NPL: variants seen among roughly 807,000 people sequenced by gnomAD.
The protein encoded by NPL is N-acetylneuraminate pyruvate lyase.
In NPL, 32 loss-of-function variants were observed where a neutral mutation model predicts 41.1. That is an observed-to-expected ratio of 0.78 (90% CI 0.59 to 1.05). The LOEUF (loss-of-function observed/expected upper bound fraction) is 1.05. NPL is among the 50% of genes least tolerant of loss of function. The pLI is 0.00. For synonymous variants in NPL, 128 were observed against 134.9 expected, an observed-to-expected ratio of 0.95 and a Z score of 0.35; for missense variants, 321 against 378.4, an observed-to-expected ratio of 0.85 and a Z score of 1.26.
intron 1 of NPL, 87 bp downstream of exon 1, chr1:182,789,892 GC>G (rs939979346): frequency 2.6e-5 from 4 of 152,520 alleles, no homozygotes; most frequent in African/African-American, 9.6e-5. Flanking sequence ...GGGCGCTGGG[GC>G]CTGACTCGCG....
chr1:182,800,329 G>A (rs1229682592), intron 3 of NPL, among the ~76,000 whole-genome samples: 1 of 151,658 alleles, frequency 6.6e-6, no homozygotes, highest in Admixed American at 6.6e-5. Flanking sequence ...CTAGCTACTG[G>A]GGAGGCAGAG....
chr1:182,805,165 C>T (rs1666969399), intron 4 of NPL, among the ~76,000 whole-genome samples: 1 of 152,150 alleles, frequency 6.6e-6, no homozygotes, highest in Non-Finnish European at 1.5e-5. Context: ...TGTGGTGGCT[C>T]ACACCAGTAA....
chr1:182,796,447 A>G (rs1036141660), intron 3 of NPL, among the ~76,000 whole-genome samples: 4 of 152,186 alleles, frequency 2.6e-5, no homozygotes, highest in African/African-American at 9.7e-5. Context: ...ATACCTGGAA[A>G]TACTGCCAGG....
At chr1:182,805,683 C>T (rs773274718) in intron 4 of NPL, among the ~76,000 whole-genome samples, 33 of 152,052 alleles carry the variant, frequency 2.2e-4, no homozygotes, top group Non-Finnish European at 4.1e-4. Flanking sequence ...ATCTAAAAAA[C>T]GAGTTGTCCT....
chr1:182,792,046 A>G (rs1666529161), intron 1 of NPL, among the ~76,000 whole-genome samples, 186 bp from the exon 2 acceptor site: 1 of 152,212 alleles, frequency 6.6e-6, no homozygotes, highest in Non-Finnish European at 1.5e-5. Context: ...GATGACTGGG[A>G]AGATGATGCT....
At chr1:182,807,476 T>G (rs1052108651) in intron 5 of NPL, among the ~76,000 whole-genome samples, 3 of 152,096 alleles carry the variant, frequency 2.0e-5, no homozygotes, top group Non-Finnish European at 4.4e-5. Context: ...CACAGAAGCA[T>G]TCTCTGGTGA....
Position 182,828,649 on chromosome 1 carries a change from G to T in NPL, c.779-75G>T. On this transcript the variant is annotated intron_variant, in intron 12 of 12. Coordinates refer to ENST00000367553, the MANE Select transcript of NPL (RefSeq NM_030769.3). The surrounding 1 kb of genome is among the most constrained non-coding windows in gnomAD (Gnocchi z 4.0). ...GTTGTAGTAGTTGCTGTTAGCATAT[G>T]ATCTCCTTCTTTGGGATTTTTGTGG... The T allele has an allele frequency of 6.3e-7, 1 of 1,597,524 alleles. No homozygotes were observed. Among genetic ancestry groups the T allele is most frequent in the South Asian group, 1.1e-5 (1 of 89,636 alleles).
intron 3 of NPL, among the ~76,000 whole-genome samples, chr1:182,803,080 C>A (rs1338079571): frequency 6.6e-6 from 1 of 152,164 alleles, no homozygotes; most frequent in Non-Finnish European, 1.5e-5. Context: ...TGCTAAAATT[C>A]TTATAATATT....
At chr1:182,824,533 C>T (rs746066324) in intron 11 of NPL, among the ~76,000 whole-genome samples, 62 of 152,232 alleles carry the variant, frequency 4.1e-4, no homozygotes, top group Admixed American at 1.1e-3. Flanking sequence ...CACGGTGGCT[C>T]ACGCCTGTAA....
intron 1 of NPL, among the ~76,000 whole-genome samples, chr1:182,791,075 G>C (rs1393171518): frequency 6.6e-6 from 1 of 152,156 alleles, no homozygotes; most frequent in Non-Finnish European, 1.5e-5. Flanking sequence ...AGACAGTCTA[G>C]GAGAGGAGCC....
intron 11 of NPL, among the ~76,000 whole-genome samples, chr1:182,823,449 T>C (rs957412088): frequency 6.6e-6 from 1 of 152,196 alleles, no homozygotes. Flanking sequence ...CCTTAAAGTT[T>C]AAATACCATA....
chr1:182,815,786 T>C (rs1255826140), intron 7 of NPL, among the ~76,000 whole-genome samples: 1 of 151,990 alleles, frequency 6.6e-6, no homozygotes, highest in Admixed American at 6.6e-5. Context: ...TAAAAAAATT[T>C]TATAGGGACA....
intron 5 of NPL, chr1:182,806,636 C>T (rs1667018529): frequency 2.3e-6 from 3 of 1,278,176 alleles, no homozygotes; most frequent in East Asian, 5.1e-5. Flanking sequence ...CTTGTATTGG[C>T]CCACTTCTCC....
chr1:182,825,942 T>G, intron 12 of NPL, 122 bp downstream of exon 12: 1 of 835,886 alleles, frequency 1.2e-6, no homozygotes. Flanking sequence ...AGCAGAGTTC[T>G]GTTTCCCTTA....
At chr1:182,809,792 C>T (rs2102548362) in intron 5 of NPL, 1 of 152,236 alleles carries the variant, frequency 6.6e-6, no homozygotes, top group East Asian at 1.9e-4. Context: ...GTTGGAGCCT[C>T]CTCCTGGATT....
In NPL at chr1:182,828,211, T is replaced by G. The variant is rs1166925512; in HGVS notation, c.779-513T>G. On this transcript the variant is annotated intron_variant, in intron 12 of 12. Transcript: ENST00000367553. This position sits in a 1 kb window ranked among gnomAD's most constrained non-coding sequence, Gnocchi z 4.0. ...CCATGCATAGATCTAAGGCTTCATT[T>G]TCCATTCCCATCCCAGCCGTATAAC... Among the ~76,000 whole-genome samples the G allele has an allele frequency of 1.3e-5, 2 of 152,220 alleles. No homozygotes were observed. The highest frequency in any genetic ancestry group is 4.8e-5 in the African/African-American group (2 of 41,456).
At chr1:182,808,931 G>T (rs1667098263) in intron 5 of NPL, among the ~76,000 whole-genome samples, 2 of 147,454 alleles carry the variant, frequency 1.4e-5, no homozygotes, top group South Asian at 2.1e-4. Flanking sequence ...CTGTAGTCCA[G>T]CCTGGGTGAA....
chr1:182,817,464 C>T (rs1222573086), intron 8 of NPL, among the ~76,000 whole-genome samples: 2 of 152,188 alleles, frequency 1.3e-5, no homozygotes, highest in African/African-American at 4.8e-5. Flanking sequence ...TTTCTCCCCA[C>T]CAACAACCAA....
chr1:182,828,850 G>T lies in NPL; in HGVS notation c.905G>T (p.Ser302Ile). ...GATAGTGCTGAAGCTAAACTGAAGA[G>T]CCTGGATTTCCTTTCTTTCACTGAT... ...FTDSAEAKLK[S>I]LDFLSFTDLK... Residue 302 changes from serine to isoleucine, a missense_variant, in exon 13 of 13, where the codon AGC becomes ATC. Coordinates refer to ENST00000367553, the MANE Select transcript of NPL (RefSeq NM_030769.3). This position sits in a 1 kb window ranked among gnomAD's most constrained non-coding sequence, Gnocchi z 4.0. 1.2e-6 allele frequency: 2 copies of T among 1,614,196 alleles called. No homozygotes were observed. Among genetic ancestry groups the T allele is most frequent in the East Asian group, 4.5e-5 (2 of 44,884 alleles).
Sources: allele counts gnomAD v4.1 joint callset (sites outside exome capture counted in the v4.1 genomes callset), GRCh38; gene constraint gnomAD v4.1.1; non-coding constraint Gnocchi (gnomAD v3.1); transcripts MANE v1.5; gene names NCBI Gene and HGNC (gene_info 2026-07-23, HGNC 2026-07-21).